Variants in SYT9 observed in about 807,000 individuals in gnomAD.
SYT9 encodes synaptotagmin-9.
Under a neutral mutation model 48.4 loss-of-function variants are expected in SYT9, and 22 were observed. The ratio of observed to expected loss-of-function variants is 0.45; its 90% CI spans 0.32 to 0.65. The LOEUF is 0.65. Ranked by LOEUF, SYT9 falls within the 30% of genes least tolerant of loss-of-function variation. The pLI is 0.03. For synonymous variants in SYT9, 265 were observed against 245.0 expected (o/e 1.08, Z -0.76); for missense variants, 577 against 622.0 (o/e 0.93, Z 0.77).
intron 6 of SYT9, chr11:7,438,643 GC>G (rs1847762058): frequency 6.6e-6 from 1 of 152,362 alleles, no homozygotes; most frequent in East Asian, 1.9e-4. Flanking sequence ...CCTTGAAAGG[GC>G]CCCTTTTTTC....
chr11:7,349,536 A>C (rs6578850), intron 3 of SYT9, among the ~76,000 whole-genome samples: 1 of 152,190 alleles, frequency 6.6e-6, no homozygotes, highest in African/African-American at 2.4e-5. Context: ...TCATGTTCCT[A>C]CAGGGGCCAC....
intron 6 of SYT9, among the ~76,000 whole-genome samples, chr11:7,434,460 T>G (rs2134124571): frequency 6.6e-6 from 1 of 152,208 alleles, no homozygotes; most frequent in South Asian, 2.1e-4. Flanking sequence ...AGGAAGTTTT[T>G]AAGATCAAGG....
At chr11:7,300,059 T>C (rs1173054781) in intron 1 of SYT9, among the ~76,000 whole-genome samples, 4 of 152,132 alleles carry the variant, frequency 2.6e-5, no homozygotes, top group East Asian at 1.9e-4. Context: ...ATATAACCCC[T>C]TTTCTCTCCT....
intron 6 of SYT9, among the ~76,000 whole-genome samples, chr11:7,462,470 C>T (rs995619758): frequency 2.6e-5 from 4 of 151,828 alleles, no homozygotes; most frequent in Non-Finnish European, 4.4e-5. Flanking sequence ...TTCTTAAAGC[C>T]GAGAGAGGAA....
chr11:7,435,104 A>G, intron 6 of SYT9: 1 of 152,254 alleles, frequency 6.6e-6, no homozygotes, highest in Non-Finnish European at 1.5e-5. Context: ...CCCGCCATCA[A>G]CCAAATGGTT....
intron 1 of SYT9, among the ~76,000 whole-genome samples, chr11:7,281,981 A>T (rs1026682368): frequency 2.6e-5 from 4 of 152,176 alleles, no homozygotes; most frequent in African/African-American, 9.7e-5. Context: ...GACACAGGGG[A>T]TACTTAAACA....
At chr11:7,453,022 T>G (rs1470783820) in intron 6 of SYT9, among the ~76,000 whole-genome samples, 1 of 151,806 alleles carries the variant, frequency 6.6e-6, no homozygotes, top group Non-Finnish European at 1.5e-5. Flanking sequence ...CCTGAGATGA[T>G]CCCCCTGCCT....
At chr11:7,376,398 T>C (rs1850456326) in intron 3 of SYT9, among the ~76,000 whole-genome samples, 1 of 141,324 alleles carries the variant, frequency 7.1e-6, no homozygotes, top group Non-Finnish European at 1.5e-5. Context: ...TCTCCTCTCC[T>C]CTCCTTTCTT....
intron 1 of SYT9, among the ~76,000 whole-genome samples, chr11:7,275,491 T>C (rs1338264865): frequency 6.6e-6 from 1 of 152,230 alleles, no homozygotes; most frequent in African/African-American, 2.4e-5. Flanking sequence ...CTATTTTCTT[T>C]CATGGGTTTC....
intron 2 of SYT9, among the ~76,000 whole-genome samples, chr11:7,309,365 A>T (rs1402370538): frequency 6.6e-6 from 1 of 152,126 alleles, no homozygotes; most frequent in Non-Finnish European, 1.5e-5. Context: ...CACTGTGCAC[A>T]TTAAGTCCTG....
chr11:7,422,849 G>A (rs1847380819), intron 6 of SYT9, among the ~76,000 whole-genome samples: 1 of 152,182 alleles, frequency 6.6e-6, no homozygotes, highest in Admixed American at 6.5e-5. Context: ...CAGGGAGCAG[G>A]CCTTGGAGGC....
chr11:7,368,869 T>C (rs1409105211), intron 3 of SYT9, among the ~76,000 whole-genome samples: 1 of 152,214 alleles, frequency 6.6e-6, no homozygotes, highest in African/African-American at 2.4e-5. Context: ...CACATTTTTT[T>C]ATCCAGTCTG....
chr11:7,267,468 C>CA (rs1318505719), intron 1 of SYT9, among the ~76,000 whole-genome samples: 9 of 151,516 alleles, frequency 5.9e-5, no homozygotes. Context: ...ATAACAATGC[C>CA]AAAACTCTAA....
intron 1 of SYT9, among the ~76,000 whole-genome samples, chr11:7,243,676 G>C (rs1410481588): frequency 6.6e-6 from 1 of 152,150 alleles, no homozygotes; most frequent in Non-Finnish European, 1.5e-5. Context: ...CAGTCGACCT[G>C]CTCCAGATTC....
In SYT9 at chr11:7,468,048, G is replaced by A. The variant is rs1848362459; in HGVS notation, c.*1248G>A. On this transcript the variant is annotated 3_prime_UTR_variant, in exon 7 of 7. Coordinates refer to ENST00000318881, the MANE Select transcript of SYT9 (RefSeq NM_175733.4). ...TCAGCATATCCTGGGAGGACTGGGG[G>A]CTGTTACCTAATGGTCCTCTCTGTC... The A allele has an allele frequency of 5.2e-6, 2 of 381,424 alleles. No homozygotes were observed. Among genetic ancestry groups the A allele is most frequent in the South Asian group, 1.5e-4 (1 of 6,860 alleles). 23.6% of individuals were successfully genotyped at this position (381,424 alleles called of 1,614,324 possible).
intron 1 of SYT9, among the ~76,000 whole-genome samples, chr11:7,243,302 AC>A (rs1437080934): frequency 6.6e-6 from 1 of 152,200 alleles, no homozygotes; most frequent in Non-Finnish European, 1.5e-5. Context: ...CACTAAATAA[AC>A]TTTTAATTAA....
chr11:7,240,574 T>C (rs1216871651), intron 1 of SYT9, among the ~76,000 whole-genome samples: 1 of 152,172 alleles, frequency 6.6e-6, no homozygotes, highest in Non-Finnish European at 1.5e-5. Flanking sequence ...TTTTAAAACA[T>C]GAAGTGAATA....
chr11:7,459,581 A>G (rs895936069), intron 6 of SYT9, among the ~76,000 whole-genome samples: 2 of 152,200 alleles, frequency 1.3e-5, no homozygotes, highest in African/African-American at 4.8e-5. Flanking sequence ...TGTGCTGGAT[A>G]TTGGTGGGGT....
At chr11:7,364,098 A>G (rs567901470) in intron 3 of SYT9, among the ~76,000 whole-genome samples, 1 of 152,190 alleles carries the variant, frequency 6.6e-6, no homozygotes, top group Non-Finnish European at 1.5e-5. Flanking sequence ...GAATGAGGAC[A>G]GCAAAGATAA....
Sources: gnomAD v4.1 joint callset for allele counts (sites outside exome capture counted in the v4.1 genomes callset) on GRCh38, gnomAD v4.1.1 for gene constraint, MANE v1.5 for transcripts, NCBI Gene and HGNC (gene_info 2026-07-23, HGNC 2026-07-21) for gene names.